The following USP28 variants were observed in gnomAD, a reference collection of about 807,000 sequenced individuals.
USP28 encodes ubiquitin specific peptidase 28, also known as ubiquitin carboxyl-terminal hydrolase 28.
USP28 carries 113 observed loss-of-function variants against 145.0 expected under a neutral mutation model. That is an observed-to-expected ratio of 0.78 (90% confidence interval 0.67 to 0.91). The LOEUF is 0.91. USP28 is among the 40% of genes least tolerant of loss of function. The probability of loss-of-function intolerance (pLI) is 0.00; values close to 1 mark genes in which losing one functional copy is unlikely to be tolerated. For missense variants in USP28, 1,201 were observed against 1,289.6 expected (o/e 0.93, Z 1.05); for synonymous variants, 447 against 450.9 (o/e 0.99, Z 0.11).
chr11:113,804,140 C>A (rs1565323184), intron 21 of USP28, among the ~76,000 whole-genome samples: 1 of 152,202 alleles, frequency 6.6e-6, no homozygotes, highest in Non-Finnish European at 1.5e-5. Flanking sequence ...ATCCTAATTT[C>A]TAACAGCTAT....
In USP28 at chr11:113,808,137, C is replaced by T. The variant is rs1338905372; in HGVS notation, c.2304+161G>A. The T allele has an allele frequency of 6.6e-7, 1 of 1,513,316 alleles. No individual in the cohort carries two copies. Among genetic ancestry groups the T allele is most frequent in the South Asian group, 1.3e-5 (1 of 79,336 alleles). The allele number at this position is 1,513,316 out of a possible 1,614,324, so 93.7% of individuals were successfully genotyped here. A position where few individuals can be genotyped will look rare whatever the true frequency, so the allele number is the denominator to read the frequency against. On this transcript the variant is annotated intron_variant, in intron 18 of 24. Transcript: ENST00000003302. ...GCTTCTTGGGTTCAGCTTCTTTAAG[C>T]TGTGGCAGCAGAGTGGGGAGAAAGA...
intron 2 of USP28, among the ~76,000 whole-genome samples, chr11:113,852,963 G>A (rs1946641429): frequency 1.3e-5 from 2 of 152,052 alleles, no homozygotes; most frequent in Non-Finnish European, 2.9e-5. Context: ...AAAGGGGGCT[G>A]GCAATTAACA....
At chr11:113,860,756 T>C (rs1947584498) in intron 1 of USP28, among the ~76,000 whole-genome samples, 2 of 146,732 alleles carry the variant, frequency 1.4e-5, no homozygotes, top group South Asian at 4.3e-4. Context: ...GAGGCGGAGC[T>C]TGAAGTGAGC....
intron 11 of USP28, among the ~76,000 whole-genome samples, chr11:113,826,476 A>C: frequency 7.1e-6 from 1 of 141,388 alleles, no homozygotes; most frequent in East Asian, 2.1e-4. Context: ...CACCCAGCTA[A>C]TTTTTTTTTT....
At chr11:113,846,959 C>T (rs773643575) in intron 3 of USP28, among the ~76,000 whole-genome samples, 1 of 152,216 alleles carries the variant, frequency 6.6e-6, no homozygotes, top group Non-Finnish European at 1.5e-5. Context: ...CACACCACTG[C>T]ACTCCAGCCT....
chr11:113,838,401 T>C (rs1201263223), intron 5 of USP28, among the ~76,000 whole-genome samples: 1 of 152,154 alleles, frequency 6.6e-6, no homozygotes, highest in Non-Finnish European at 1.5e-5. Context: ...ACATTCCTAT[T>C]TCATCTAGAA....
chr11:113,824,088 AC>A (rs1412410682), intron 11 of USP28, among the ~76,000 whole-genome samples: 2 of 152,228 alleles, frequency 1.3e-5, no homozygotes, highest in Non-Finnish European at 2.9e-5. Context: ...GTCAAAGGAT[AC>A]AAAATCAATT....
At chr11:113,851,339 G>C (rs1366388604) in intron 3 of USP28, among the ~76,000 whole-genome samples, 1 of 152,196 alleles carries the variant, frequency 6.6e-6, no homozygotes, top group Non-Finnish European at 1.5e-5. Flanking sequence ...GGAAGGTTCT[G>C]AATGATCCAC....
intron 12 of USP28, 170 bp from the exon 13 acceptor site, chr11:113,818,007 T>C: frequency 3.5e-6 from 2 of 564,478 alleles, no homozygotes; most frequent in Non-Finnish European, 5.7e-6. Context: ...ATTCTCTAAC[T>C]ACAAAACTAA....
At chr11:113,803,756 C>A (rs1418897303) in intron 22 of USP28, 42 bp downstream of exon 23, 8 of 1,539,234 alleles carry the variant, frequency 5.2e-6, no homozygotes, top group East Asian at 4.5e-5. Context: ...CAGAGAACAG[C>A]ATCCTGACTA....
intron 16 of USP28, among the ~76,000 whole-genome samples, chr11:113,811,429 T>C (rs143319219): frequency 6.6e-6 from 1 of 152,226 alleles, no homozygotes; most frequent in African/African-American, 2.4e-5. Flanking sequence ...GCCCCACAAC[T>C]GTAATCCCAG....
At chr11:113,822,220 G>A (rs1023846576) in intron 12 of USP28, among the ~76,000 whole-genome samples, 1 of 152,170 alleles carries the variant, frequency 6.6e-6, no homozygotes, top group African/African-American at 2.4e-5. Flanking sequence ...GGGAGGCTGA[G>A]GCAGGTGGAT....
rs561769710 is a variant in USP28, at chr11:113,854,329, G to A, written c.64C>T (p.Gln22Ter). The A allele has an allele frequency of 6.2e-7, 1 of 1,613,936 alleles. No individual in the cohort carries two copies. Among genetic ancestry groups the A allele is most frequent in the Non-Finnish European group, 8.5e-7 (1 of 1,179,920 alleles). ...TCTCTCAGTTGATTTAACAGCATTTGGCAGCTCTATATTTGCAAAACAAAA... is the reference window on the plus strand; with the variant it reads ...TCTCTCAGTTGATTTAACAGCATTTAGCAGCTCTATATTTGCAAAACAAAA... The change falls in exon 2 of 25, where the codon CAA (glutamine) becomes TAA (stop). Residue 22 changes from glutamine (Q) to a stop codon, truncating the protein, a stop_gained. Coordinates refer to ENST00000003302, the Ensembl canonical transcript of USP28. LOFTEE classifies it high-confidence loss of function.
At chr11:113,874,432 A>G in intron 1 of USP28, 3 of 1,032,684 alleles carry the variant, frequency 2.9e-6, no homozygotes, top group Non-Finnish European at 3.7e-6. Context: ...CGAAAAAAAA[A>G]AAAAAAAAAA....
At chr11:113,813,639 T>C (rs1185860517) in intron 15 of USP28, 3 of 466,190 alleles carry the variant, frequency 6.4e-6, no homozygotes, top group Non-Finnish European at 1.1e-5. Flanking sequence ...CAAACCTTTC[T>C]ACAATATGAA....
In USP28 at chr11:113,870,496, C is replaced by T. The variant is rs142364930; in HGVS notation, c.57+4949G>A. Among the ~76,000 whole-genome samples, 865 of 152,356 alleles carry T rather than the reference C, an allele frequency of 5.7e-3. 5 individuals are homozygous for T. Among genetic ancestry groups the T allele is most frequent in the African/African-American group, 0.019 (792 of 41,584 alleles). Reference sequence around the variant, plus strand: ...GAGCTATAATCACATCGCTGCACCCCAGTCTGGGTGACAGAGGGAGAGATC... The same window carrying T: ...GAGCTATAATCACATCGCTGCACCCTAGTCTGGGTGACAGAGGGAGAGATC... On this transcript the variant is annotated intron_variant, in intron 1 of 24. Transcript: ENST00000003302.
chr11:113,854,261 C>CA lies in USP28; in HGVS notation c.131dup (p.Lys45GlufsTer4), dbSNP rs1946797420. 5.0e-6 allele frequency: 8 copies of CA among 1,613,698 alleles called. No individual in the cohort carries two copies. Among genetic ancestry groups the CA allele is most frequent in the Non-Finnish European group, 5.9e-6 (7 of 1,179,886 alleles). On this transcript the variant is annotated frameshift_variant, in exon 2 of 25. Coordinates refer to ENST00000003302, the Ensembl canonical transcript of USP28. LOFTEE classifies it high-confidence loss of function. Reference sequence around the variant, plus strand: ...TAACAGAGATCTGGAAACCAACCTTCAGAGCTTCATGGAGAAAGGAAGGGT... The same window carrying CA: ...TAACAGAGATCTGGAAACCAACCTTCAAGAGCTTCATGGAGAAAGGAAGGGT...
At chr11:113,812,583 T>C in intron 15 of USP28, 79 bp from the exon 16 acceptor site, 1 of 1,268,130 alleles carries the variant, frequency 7.9e-7, no homozygotes, top group South Asian at 1.3e-5. Context: ...GAAATTACTG[T>C]TTATGATGTG....
chr11:113,817,959 A>G (rs1357089794), intron 12 of USP28, 122 bp from the exon 13 acceptor site: 1 of 1,020,234 alleles, frequency 9.8e-7, no homozygotes, highest in Non-Finnish European at 1.4e-6. Flanking sequence ...AGGCTATACA[A>G]TATTTAATAG....
Sources: allele counts gnomAD v4.1 joint callset (sites outside exome capture counted in the v4.1 genomes callset), GRCh38; gene constraint gnomAD v4.1.1; transcripts MANE v1.5; gene names NCBI Gene and HGNC (gene_info 2026-07-23, HGNC 2026-07-21).